The following NDST3 variants were observed in gnomAD, a reference collection of about 807,000 sequenced individuals.
NDST3 encodes the protein N-deacetylase and N-sulfotransferase 3, also known as bifunctional heparan sulfate N-deacetylase/N-sulfotransferase 3.
NDST3 carries 58 observed loss-of-function variants against 96.1 expected under a neutral mutation model. That is an observed-to-expected ratio of 0.60 (90% CI 0.49 to 0.75). The LOEUF (loss-of-function observed/expected upper bound fraction) is 0.75. NDST3 is among the 30% of genes least tolerant of loss of function. The pLI is 0.00. For synonymous variants in NDST3, 333 were observed against 359.7 expected, an observed-to-expected ratio of 0.93 and a Z score of 0.84; for missense variants, 788 against 1,034.2, an observed-to-expected ratio of 0.76 and a Z score of 3.27.
chr4:118,174,518 T>G (rs1197729656), intron 6 of NDST3, among the ~76,000 whole-genome samples: 1 of 152,162 alleles, frequency 6.6e-6, no homozygotes, highest in Admixed American at 6.6e-5. Flanking sequence ...GAACTAACTA[T>G]CATTGTACAG....
chr4:118,039,639 C>T (rs996557986), intron 1 of NDST3, among the ~76,000 whole-genome samples: 2 of 152,062 alleles, frequency 1.3e-5, no homozygotes, highest in Non-Finnish European at 2.9e-5. Context: ...GGAGGCCTGA[C>T]AGATAAGGGG....
At chr4:118,155,175 T>C (rs1035230838) in intron 6 of NDST3, among the ~76,000 whole-genome samples, 1 of 152,218 alleles carries the variant, frequency 6.6e-6, no homozygotes, top group Non-Finnish European at 1.5e-5. Context: ...TATTTTTCTA[T>C]TATTAATGTT....
intron 10 of NDST3, among the ~76,000 whole-genome samples, chr4:118,237,637 A>G (rs1012778592): frequency 6.6e-6 from 1 of 152,120 alleles, no homozygotes; most frequent in African/African-American, 2.4e-5. Flanking sequence ...CTCCATTGCA[A>G]CTCTACCATT....
At chr4:118,036,575 A>G (rs1033704192) in intron 1 of NDST3, among the ~76,000 whole-genome samples, 5 of 152,188 alleles carry the variant, frequency 3.3e-5, no homozygotes, top group African/African-American at 9.7e-5. Context: ...GTAACGACCT[A>G]CATTATAAAG....
At position 118,155,314 on chromosome 4, in the gene NDST3, G is replaced by A. The variant is rs1482506388; in HGVS notation, c.1539+11630G>A. The stretch of plus-strand genomic sequence containing the variant: ...TCCAGGGCCAATCTGTGTGTAGTTT[G>A]CACATTCACCCCATGTCTATGTGGG... On this transcript the variant is annotated intron_variant, in intron 6 of 13. Coordinates refer to ENST00000296499, the MANE Select transcript of NDST3 (RefSeq NM_004784.3). 3.9e-5 allele frequency among the ~76,000 whole-genome samples: 6 copies of A among 152,242 alleles called. No homozygotes were observed. In the South Asian group the frequency reaches 1.0e-3, roughly 26 times the overall value.
intron 1 of NDST3, among the ~76,000 whole-genome samples, chr4:118,052,248 T>C (rs1023210302): frequency 6.6e-6 from 1 of 152,078 alleles, no homozygotes; most frequent in Non-Finnish European, 1.5e-5. Context: ...TGGATGTAAC[T>C]GGAGGACATA....
intron 4 of NDST3, 116 bp from the exon 5 acceptor site, chr4:118,137,938 A>C (rs1733249962): frequency 2.3e-6 from 2 of 881,598 alleles, no homozygotes; most frequent in South Asian, 4.8e-5. Flanking sequence ...TTTACCACAC[A>C]ATTAAGTAAT....
At chr4:118,241,289 A>G (rs1448702143) in intron 11 of NDST3, among the ~76,000 whole-genome samples, 1 of 150,146 alleles carries the variant, frequency 6.7e-6, no homozygotes, top group Non-Finnish European at 1.5e-5. Flanking sequence ...CAGTTCCTTT[A>G]GCCACATTTT....
At chr4:118,034,175 G>A (rs181371756), upstream of NDST3, among the ~76,000 whole-genome samples, 87 of 152,320 alleles carry the variant, frequency 5.7e-4, no homozygotes, top group African/African-American at 1.9e-3. Context: ...GTTTTTCATG[G>A]TGTGGTTATT....
chr4:118,131,405 A>G (rs1487429195), intron 4 of NDST3, among the ~76,000 whole-genome samples: 3 of 151,928 alleles, frequency 2.0e-5, no homozygotes, highest in Non-Finnish European at 2.9e-5. Context: ...CAGTATGTCA[A>G]TTGCAATTTT....
At position 118,054,761 on chromosome 4, in the gene NDST3, T is replaced by C; in HGVS notation, c.851T>C (p.Ile284Thr). 1 of 1,613,384 alleles carries C rather than the reference T, an allele frequency of 6.2e-7. No homozygotes were observed. Among genetic ancestry groups the C allele is most frequent in the Non-Finnish European group, 8.5e-7 (1 of 1,179,464 alleles). Reference sequence around the variant, plus strand: ...TTGAACTTTTGGCTGCACAAGCTCATCTTCATAGATGCCATCTCCTTCTTA... The same window carrying C: ...TTGAACTTTTGGCTGCACAAGCTCACCTTCATAGATGCCATCTCCTTCTTA... ...NNLNFWLHKL[I>T]FIDAISFLSG... Residue 284 changes from isoleucine to threonine, a missense_variant, in exon 2 of 14, where the codon ATC becomes ACC. Transcript: ENST00000296499.
At chr4:118,070,325 A>G (rs1365921485) in intron 2 of NDST3, among the ~76,000 whole-genome samples, 1 of 152,122 alleles carries the variant, frequency 6.6e-6, no homozygotes, top group Non-Finnish European at 1.5e-5. Flanking sequence ...TCTGAGAATT[A>G]GGATTCCCAT....
At chr4:118,188,721 A>C (rs1737124930) in intron 6 of NDST3, among the ~76,000 whole-genome samples, 1 of 152,210 alleles carries the variant, frequency 6.6e-6, no homozygotes. Context: ...TCCAGGCTTC[A>C]TAATATGATC....
At chr4:118,171,053 G>C (rs1383359124) in intron 6 of NDST3, among the ~76,000 whole-genome samples, 2 of 152,058 alleles carry the variant, frequency 1.3e-5, no homozygotes, top group Admixed American at 6.6e-5. Context: ...AGTGTGCTTG[G>C]GGTGTTTTAG....
At chr4:118,232,051 T>A (rs1740335150) in intron 8 of NDST3, among the ~76,000 whole-genome samples, 1 of 152,156 alleles carries the variant, frequency 6.6e-6, no homozygotes, top group African/African-American at 2.4e-5. Flanking sequence ...ACCATTTTTT[T>A]TTCCAATTTA....
At chr4:118,246,183 A>C (rs1741298376) in intron 12 of NDST3, among the ~76,000 whole-genome samples, 1 of 152,246 alleles carries the variant, frequency 6.6e-6, no homozygotes, top group Non-Finnish European at 1.5e-5. Context: ...TATGCAAATT[A>C]AAATAACATT....
intron 6 of NDST3, among the ~76,000 whole-genome samples, chr4:118,175,902 G>C (rs73843406): frequency 0.022 from 3,383 of 152,156 alleles, 132 homozygotes; most frequent in African/African-American, 0.078. Context: ...ACAATTGTTT[G>C]TGTGTCTTTT....
intron 2 of NDST3, among the ~76,000 whole-genome samples, chr4:118,083,378 C>T (rs1320848385): frequency 2.0e-5 from 3 of 152,054 alleles, no homozygotes; most frequent in Non-Finnish European, 4.4e-5. Context: ...AAATATAATA[C>T]TTAATTCGAT....
At chr4:118,176,716 T>C (rs1736301881) in intron 6 of NDST3, among the ~76,000 whole-genome samples, 1 of 152,110 alleles carries the variant, frequency 6.6e-6, no homozygotes, top group Non-Finnish European at 1.5e-5. Context: ...AGACACCCAC[T>C]ACACTAATTG....
Sources: allele counts gnomAD v4.1 joint callset (sites outside exome capture counted in the v4.1 genomes callset), GRCh38; gene constraint gnomAD v4.1.1; transcripts MANE v1.5; gene names NCBI Gene and HGNC (gene_info 2026-07-23, HGNC 2026-07-21).